The following NUMB variants were observed in gnomAD, a reference collection of about 807,000 sequenced individuals.
NUMB encodes NUMB endocytic adaptor protein, also known as protein numb homolog.
In NUMB, 29 loss-of-function variants were observed where a neutral mutation model predicts 59.7. That is an observed-to-expected ratio of 0.49 (90% confidence interval 0.36 to 0.66). The LOEUF (loss-of-function observed/expected upper bound fraction) is 0.66. NUMB is among the 30% of genes least tolerant of loss of function. NUMB has a pLI of 0.00. For synonymous variants in NUMB, 288 were observed against 288.2 expected, an observed-to-expected ratio of 1.00 and a Z score of 0.01; for missense variants, 723 against 822.0, an observed-to-expected ratio of 0.88 and a Z score of 1.47.
intron 1 of NUMB, among the ~76,000 whole-genome samples, chr14:73,446,674 C>T (rs1390640331): frequency 6.6e-6 from 1 of 151,158 alleles, no homozygotes; most frequent in Non-Finnish European, 1.5e-5. Context: ...TAGTCTAGAG[C>T]ATTTTGGGAG....
At chr14:73,423,927 T>C (rs1054663711) in intron 1 of NUMB, among the ~76,000 whole-genome samples, 91 of 143,464 alleles carry the variant, frequency 6.3e-4, no homozygotes, top group African/African-American at 2.4e-3. Context: ...GATTGCGCCA[T>C]TGGACTCCAG....
chr14:73,412,900 A>G (rs1386923204), intron 1 of NUMB, among the ~76,000 whole-genome samples: 1 of 152,066 alleles, frequency 6.6e-6, no homozygotes, highest in Admixed American at 6.6e-5. Flanking sequence ...GTCATGAGCC[A>G]CTGTGCCCTG....
chr14:73,277,625 G>T lies in NUMB; in HGVS notation c.1241-332C>A, dbSNP rs1888268830. On this transcript the variant is annotated intron_variant, in intron 12 of 12. Coordinates refer to ENST00000555238, the MANE Select transcript of NUMB (RefSeq NM_001005743.2). ...CACAATACAGAAACTAGCTGGTTGT[G>T]GTAGCTCACACCTGTAATCCCAGCT... 1.3e-5 allele frequency among the ~76,000 whole-genome samples: 2 copies of T among 152,116 alleles called. 1 individual carries two copies. Among genetic ancestry groups the T allele is most frequent in the South Asian group, 4.1e-4 (2 of 4,822 alleles).
At chr14:73,402,264 A>G (rs1260666417) in intron 2 of NUMB, among the ~76,000 whole-genome samples, 8 of 152,316 alleles carry the variant, frequency 5.3e-5, no homozygotes, top group African/African-American at 1.9e-4. Context: ...ACTAATCAAC[A>G]GTATCTCCTT....
chr14:73,289,252 G>T (rs1389007399), intron 8 of NUMB, among the ~76,000 whole-genome samples: 1 of 152,104 alleles, frequency 6.6e-6, no homozygotes, highest in African/African-American at 2.4e-5. Flanking sequence ...ACTTATAAAA[G>T]AATTAAGCAG....
intron 2 of NUMB, among the ~76,000 whole-genome samples, chr14:73,367,776 A>AC (rs1397122437): frequency 1.3e-5 from 2 of 148,214 alleles, no homozygotes; most frequent in Non-Finnish European, 3.0e-5. Flanking sequence ...CCCTGTTTCA[A>AC]AAAAAAAAAA....
At chr14:73,457,374 T>C (rs1170226878) in intron 1 of NUMB, among the ~76,000 whole-genome samples, 3 of 152,196 alleles carry the variant, frequency 2.0e-5, no homozygotes, top group East Asian at 1.9e-4. Context: ...CTAGATGTCA[T>C]CTTGATATTA....
chr14:73,399,170 C>A (rs1333291863), intron 2 of NUMB, among the ~76,000 whole-genome samples: 2 of 152,102 alleles, frequency 1.3e-5, no homozygotes, highest in African/African-American at 4.8e-5. Context: ...CACATACACA[C>A]AAAACAATAT....
rs55831976 is a variant in NUMB, at chr14:73,390,638, C to CTTTTTT, written c.-101+19293_-101+19298dup. The stretch of plus-strand genomic sequence containing the variant: ...ATTTCCTTGAGGACAAAAACAAAGT[C>CTTTTTT]TTTTTTTTTTTTTTTTTTTTTTTTT... On this transcript the variant is annotated intron_variant, in intron 2 of 12. Transcript: ENST00000555238. Among the ~76,000 whole-genome samples, 153 of 39,412 alleles carry CTTTTTT rather than the reference C, an allele frequency of 3.9e-3. 17 individuals carry two copies. The highest frequency in any genetic ancestry group is 0.026 in the Middle Eastern group (1 of 38). The allele number at this position is 39,412 out of a possible 152,430, so 25.9% of individuals were successfully genotyped here. A position where few individuals can be genotyped will look rare whatever the true frequency, so the allele number is the denominator to read the frequency against.
intron 1 of NUMB, among the ~76,000 whole-genome samples, chr14:73,443,284 G>T (rs147074996): frequency 1.3e-5 from 2 of 150,748 alleles, no homozygotes; most frequent in Non-Finnish European, 3.0e-5. Flanking sequence ...TCTGAAAATG[G>T]TATGTTTGGG....
chr14:73,386,901 G>A (rs1188160009), intron 2 of NUMB, among the ~76,000 whole-genome samples: 1 of 52,522 alleles, frequency 1.9e-5, no homozygotes, highest in Non-Finnish European at 3.1e-5. Context: ...TTTTTTTTGA[G>A]ACGGAGTCTC....
intron 1 of NUMB, among the ~76,000 whole-genome samples, chr14:73,419,726 C>A (rs771514864): frequency 6.8e-4 from 104 of 152,104 alleles, no homozygotes; most frequent in Non-Finnish European, 3.1e-4. Flanking sequence ...CCCACCCAAT[C>A]CCATCCTGCC....
intron 7 of NUMB, among the ~76,000 whole-genome samples, chr14:73,294,249 C>T (rs1360557077): frequency 1.3e-5 from 2 of 152,170 alleles, no homozygotes; most frequent in Non-Finnish European, 2.9e-5. Context: ...GCTCCGTCAT[C>T]CAGGCTGGAG....
chr14:73,369,044 CTTTT>C (rs66895849), intron 2 of NUMB, among the ~76,000 whole-genome samples: 3 of 133,848 alleles, frequency 2.2e-5, no homozygotes, highest in Non-Finnish European at 1.6e-5. Flanking sequence ...AGAACATTTT[CTTTT>C]TTTTTTTTTT....
rs766351794 is a variant in NUMB at position 73,292,745 on chromosome 14, C to G, written c.439G>C (p.Val147Leu). 4 of 1,614,046 alleles carry G rather than the reference C, an allele frequency of 2.5e-6. No homozygotes were observed. Among genetic ancestry groups the G allele is most frequent in the Non-Finnish European group, 3.4e-6 (4 of 1,180,008 alleles). ...RRWICHCFMA[V>L]KDTGERLSHA... The stretch of plus-strand genomic sequence containing the variant: ...TTTGCTGGACTCACTGTGTCCTTGA[C>G]AGCCATGAAGCAGTGACAGATCCAG... The change falls in exon 8 of 13, where the codon GTC (valine) becomes CTC (leucine). Residue 147 changes from valine (V) to leucine (L), a missense_variant. By Grantham distance (32) the Val-to-Leu change is conservative. Transcript: ENST00000555238.
chr14:73,391,010 A>AAT (rs1895827335), intron 2 of NUMB, among the ~76,000 whole-genome samples: 1 of 151,794 alleles, frequency 6.6e-6, no homozygotes, highest in South Asian at 2.1e-4. Flanking sequence ...ATAGGCCCTC[A>AAT]ATATAAGACT....
intron 6 of NUMB, among the ~76,000 whole-genome samples, chr14:73,302,159 C>T (rs1376275822): frequency 6.6e-6 from 1 of 152,104 alleles, no homozygotes; most frequent in Non-Finnish European, 1.5e-5. Context: ...ACTAATGTAT[C>T]AGTAAGGAAT....
intron 2 of NUMB, among the ~76,000 whole-genome samples, chr14:73,398,394 G>GAA (rs1896242773): frequency 1.7e-5 from 2 of 115,532 alleles, no homozygotes; most frequent in African/African-American, 6.7e-5. Flanking sequence ...GACACACACA[G>GAA]AGAGAGAGAG....
chr14:73,433,802 G>A (rs75655101), intron 1 of NUMB, among the ~76,000 whole-genome samples: 3,365 of 151,520 alleles, frequency 0.022, 131 homozygotes, highest in African/African-American at 0.075. Flanking sequence ...TAGAAATCCC[G>A]ATTTAGGCCA....
Sources: allele counts gnomAD v4.1 joint callset (sites outside exome capture counted in the v4.1 genomes callset), GRCh38; gene constraint gnomAD v4.1.1; transcripts MANE v1.5; gene names NCBI Gene and HGNC (gene_info 2026-07-23, HGNC 2026-07-21).